RANBP2: variants seen among roughly 807,000 people sequenced by gnomAD.
RANBP2 encodes the protein RAN binding protein 2.
A neutral mutation model predicts 303.6 loss-of-function variants in RANBP2; 57 were observed. The ratio of observed to expected loss-of-function variants is 0.19; its 90% CI spans 0.15 to 0.23. RANBP2 has a LOEUF of 0.23. Among genes scored for constraint, RANBP2 ranks in the 10% least tolerant of loss-of-function variants. The pLI, the probability that RANBP2 is intolerant of heterozygous loss-of-function variation, is 1.00. For missense variants in RANBP2, 3,138 were observed against 3,780.8 expected (o/e 0.83, Z 4.46); for synonymous variants, 1,167 against 1,301.5 (o/e 0.90, Z 2.23).
the RANBP2 span, among the ~76,000 whole-genome samples, chr2:109,506,954 A>G: frequency 6.6e-6 from 1 of 152,138 alleles, no homozygotes; most frequent in East Asian, 1.9e-4. Flanking sequence ...CCCCACACAG[A>G]GCAGTGGGAG....
the RANBP2 span, among the ~76,000 whole-genome samples, chr2:109,097,345 CAAAACA>C: frequency 2.0e-5 from 3 of 149,002 alleles, no homozygotes; most frequent in East Asian, 3.9e-4. Context: ...CAAAACAAAA[CAAAACA>C]AAACAAAACC....
the RANBP2 span, chr2:109,313,763 A>T: frequency 6.5e-6 from 1 of 154,984 alleles, no homozygotes; most frequent in African/African-American, 2.4e-5. Context: ...CTTTGTAGCG[A>T]TGGGGTCAGC....
the RANBP2 span, among the ~76,000 whole-genome samples, chr2:109,320,089 C>T: frequency 6.6e-6 from 1 of 152,200 alleles, no homozygotes; most frequent in African/African-American, 2.4e-5. Context: ...ATGGTCCCTT[C>T]CTTAGGCCTG....
At chr2:108,941,331 A>G in the RANBP2 span, among the ~76,000 whole-genome samples, 2 of 152,186 alleles carry the variant, frequency 1.3e-5, no homozygotes, top group African/African-American at 4.8e-5. Context: ...TCGGTGACTC[A>G]AACGTGAGGC....
the RANBP2 span, among the ~76,000 whole-genome samples, chr2:109,047,622 A>C: frequency 6.6e-6 from 1 of 152,228 alleles, no homozygotes. Context: ...CAGCCTGGCC[A>C]ACATGGTGAA....
chr2:109,398,894 C>T, the RANBP2 span: 198 of 1,613,598 alleles, frequency 1.2e-4, no homozygotes, highest in East Asian at 4.5e-5. Flanking sequence ...CCCCGAGCCG[C>T]GGCCAGGATT....
At chr2:109,350,539 G>A in the RANBP2 span, among the ~76,000 whole-genome samples, 2 of 152,328 alleles carry the variant, frequency 1.3e-5, no homozygotes, top group African/African-American at 2.4e-5. Flanking sequence ...AGGTCGGGCA[G>A]AGATTGGCCA....
chr2:109,574,550 T>C, the RANBP2 span: 1 of 1,333,178 alleles, frequency 7.5e-7, no homozygotes, highest in Non-Finnish European at 9.9e-7. Flanking sequence ...AATATTAAAG[T>C]ATGGTAAGTT....
the RANBP2 span, among the ~76,000 whole-genome samples, chr2:108,830,833 A>G: frequency 6.6e-6 from 1 of 151,442 alleles, no homozygotes; most frequent in East Asian, 2.0e-4. Context: ...AAAAAAAACC[A>G]AAGCTTGGGA....
At chr2:108,976,331 G>A in the RANBP2 span, among the ~76,000 whole-genome samples, 2 of 152,204 alleles carry the variant, frequency 1.3e-5, no homozygotes, top group African/African-American at 4.8e-5. Flanking sequence ...CTGGGGCTAT[G>A]GGTTTGAGAG....
the RANBP2 span, among the ~76,000 whole-genome samples, chr2:109,147,064 A>G: frequency 6.6e-6 from 1 of 151,808 alleles, no homozygotes; most frequent in Admixed American, 6.6e-5. Flanking sequence ...ACAACTGTCC[A>G]AACAAGTTCT....
At chr2:108,976,234 T>A in the RANBP2 span, among the ~76,000 whole-genome samples, 1 of 152,230 alleles carries the variant, frequency 6.6e-6, no homozygotes, top group Non-Finnish European at 1.5e-5. Flanking sequence ...TTGTTTTTGA[T>A]GACTCAGAAG....
the RANBP2 span, among the ~76,000 whole-genome samples, chr2:109,355,517 C>A: frequency 4.6e-5 from 7 of 152,330 alleles, no homozygotes; most frequent in East Asian, 1.3e-3. Context: ...GAGTAATTGA[C>A]CTACAACTCC....
intron 21 of RANBP2, 96 bp from the exon 22 acceptor site, chr2:108,772,393 G>A (rs1677569941): frequency 2.2e-6 from 2 of 919,508 alleles, no homozygotes; most frequent in South Asian, 1.4e-5. Flanking sequence ...CAATTCAGAT[G>A]TGGAGAGTGA....
At chr2:109,016,799 G>C in the RANBP2 span, among the ~76,000 whole-genome samples, 1 of 152,168 alleles carries the variant, frequency 6.6e-6, no homozygotes, top group Non-Finnish European at 1.5e-5. Context: ...AGTTTGGGGT[G>C]GCGTTTTATT....
At chr2:109,032,005 C>G in the RANBP2 span, among the ~76,000 whole-genome samples, 1 of 150,970 alleles carries the variant, frequency 6.6e-6, no homozygotes, top group Admixed American at 6.7e-5. Flanking sequence ...GTTTCAGGAG[C>G]TGTAAGTTCT....
chr2:109,464,843 T>C, the RANBP2 span, among the ~76,000 whole-genome samples: 1 of 152,248 alleles, frequency 6.6e-6, no homozygotes, highest in Non-Finnish European at 1.5e-5. Flanking sequence ...ATAGTTTACG[T>C]TAGGATTTAC....
chr2:109,614,645 CCGCGCG>C, the RANBP2 span: 2 of 1,470,568 alleles, frequency 1.4e-6, no homozygotes, highest in South Asian at 1.3e-5. Flanking sequence ...GCGCCCGCGC[CCGCGCG>C]CACTTCAAGG....
chr2:109,347,726 A>G, the RANBP2 span: 1 of 1,613,886 alleles, frequency 6.2e-7, no homozygotes, highest in Non-Finnish European at 8.5e-7. Flanking sequence ...GAGGGGAAGG[A>G]ACCTGGTGAC....
Sources: gnomAD v4.1 joint callset for allele counts (sites outside exome capture counted in the v4.1 genomes callset) on GRCh38, gnomAD v4.1.1 for gene constraint, MANE v1.5 for transcripts, NCBI Gene and HGNC (gene_info 2026-07-23, HGNC 2026-07-21) for gene names.